Variants in FAXDC2 observed in about 807,000 individuals in gnomAD.
FAXDC2 encodes fatty acid hydroxylase domain-containing protein 2.
FAXDC2 carries 41 observed loss-of-function variants against 40.9 expected under a neutral mutation model. That is an observed-to-expected ratio of 1.00 (90% CI 0.78 to 1.30). The LOEUF is 1.30. Ranked by LOEUF, FAXDC2 falls within the 50% of genes most tolerant of loss-of-function variation. The pLI is 0.00. For missense variants in FAXDC2, 390 were observed against 408.8 expected (o/e 0.95, Z 0.40); for synonymous variants, 157 against 149.3 (o/e 1.05, Z -0.38).
intron 5 of FAXDC2, among the ~76,000 whole-genome samples, chr5:154,828,730 G>A (rs1454118445): frequency 3.3e-5 from 5 of 151,004 alleles, no homozygotes; most frequent in Non-Finnish European, 7.4e-5. Context: ...CTGACTAGCT[G>A]AGACTACAGA....
intron 5 of FAXDC2, chr5:154,824,230 T>C (rs1561652219): frequency 2.0e-6 from 1 of 510,944 alleles, no homozygotes; most frequent in Non-Finnish European, 3.5e-6. Context: ...CAAAGTCCAT[T>C]TGGCCTCAAT....
At chr5:154,820,676 C>G (rs1460939626) in intron 8 of FAXDC2, 1 of 473,808 alleles carries the variant, frequency 2.1e-6, no homozygotes. Context: ...TTTGCCGTAT[C>G]TGGAGTCCTC....
At chr5:154,834,124 G>T (rs1368669650) in intron 4 of FAXDC2, among the ~76,000 whole-genome samples, 1 of 150,710 alleles carries the variant, frequency 6.6e-6, no homozygotes, top group Non-Finnish European at 1.5e-5. Context: ...GTATGATCGA[G>T]GACATTCACT....
intron 5 of FAXDC2, chr5:154,824,334 A>T: frequency 1.6e-6 from 1 of 621,226 alleles, no homozygotes; most frequent in East Asian, 2.7e-5. Flanking sequence ...GTGACCATAG[A>T]TTACTTCCTG....
chr5:154,834,826 G>A lies in FAXDC2; in HGVS notation c.140+17C>T. The A allele has an allele frequency of 1.9e-6, 3 of 1,605,466 alleles. No homozygotes were observed. The highest frequency in any genetic ancestry group is 2.6e-6 in the Non-Finnish European group (3 of 1,173,490). ...ACCACCACCACACTGCACCCTAGCTGGGTGGAGCCGACTTACCATGTCACT... is the reference window on the plus strand; with the variant it reads ...ACCACCACCACACTGCACCCTAGCTAGGTGGAGCCGACTTACCATGTCACT... On this transcript the variant is annotated intron_variant, in intron 3 of 8. Coordinates refer to ENST00000326080, the MANE Select transcript of FAXDC2 (RefSeq NM_032385.5).
chr5:154,844,867 C>T (rs1275009387), intron 1 of FAXDC2, among the ~76,000 whole-genome samples: 1 of 152,132 alleles, frequency 6.6e-6, no homozygotes, highest in Non-Finnish European at 1.5e-5. Flanking sequence ...GTTATGGAAA[C>T]TGCGTATTGC....
chr5:154,841,044 C>T (rs561402277), intron 1 of FAXDC2, among the ~76,000 whole-genome samples: 2 of 152,240 alleles, frequency 1.3e-5, no homozygotes, highest in East Asian at 3.9e-4. Flanking sequence ...GGAGAAATAC[C>T]GAGGCATCTG....
intron 1 of FAXDC2, among the ~76,000 whole-genome samples, chr5:154,846,996 C>G (rs1760615378): frequency 6.6e-6 from 1 of 151,760 alleles, no homozygotes. Context: ...TAGCATCTTG[C>G]TCTGTTGCCG....
chr5:154,843,274 C>T (rs928780400), intron 1 of FAXDC2, among the ~76,000 whole-genome samples: 8 of 152,224 alleles, frequency 5.3e-5, no homozygotes, highest in African/African-American at 1.9e-4. Flanking sequence ...AGTCTCCTAG[C>T]CTTTTCCCTG....
At chr5:154,821,647 T>A (rs189995254) in intron 7 of FAXDC2, among the ~76,000 whole-genome samples, 1 of 152,082 alleles carries the variant, frequency 6.6e-6, no homozygotes, top group Non-Finnish European at 1.5e-5. Context: ...AAATTAAGAT[T>A]AAAAAGGTTG....
At chr5:154,823,618 A>G (rs373474548) in intron 5 of FAXDC2, 26 bp from the exon 6 acceptor site, 11 of 1,595,904 alleles carry the variant, frequency 6.9e-6, no homozygotes, top group Non-Finnish European at 9.4e-6. Flanking sequence ...GAGGAGGGAG[A>G]TGGATAAGAG....
At chr5:154,834,503 TCAAG>T in intron 4 of FAXDC2, 118 bp downstream of exon 4, 2 of 719,466 alleles carry the variant, frequency 2.8e-6, no homozygotes, top group African/African-American at 1.8e-5. Context: ...TTTTTGAAGT[TCAAG>T]TCCTCATCCC....
At position 154,848,645 on chromosome 5, in the gene FAXDC2, A is replaced by G. The variant is rs907750071; in HGVS notation, c.-1+1838T>C. Among the ~76,000 whole-genome samples, 6 of 152,134 alleles carry G rather than the reference A, an allele frequency of 3.9e-5. No homozygotes were observed. In the South Asian group the frequency reaches 1.2e-3, roughly 31 times the overall value. On this transcript the variant is annotated intron_variant, in intron 1 of 8. Coordinates refer to ENST00000326080, the MANE Select transcript of FAXDC2 (RefSeq NM_032385.5). ...CTGTACTAATCTGAGGCTTATATAG[A>G]AGATAGAGTGGCCGATATTCATTTA...
At chr5:154,840,101 A>T (rs1760443550) in intron 1 of FAXDC2, among the ~76,000 whole-genome samples, 1 of 152,226 alleles carries the variant, frequency 6.6e-6, no homozygotes, top group South Asian at 2.1e-4. Flanking sequence ...CTTAGGACCC[A>T]GGTTCCAGAC....
chr5:154,832,958 T>G (rs1182053488), intron 4 of FAXDC2, among the ~76,000 whole-genome samples: 2 of 152,240 alleles, frequency 1.3e-5, no homozygotes. Context: ...TTTTGCTTTA[T>G]AGCAACTGAC....
At chr5:154,825,675 AT>A (rs1195619112) in intron 5 of FAXDC2, among the ~76,000 whole-genome samples, 7 of 149,760 alleles carry the variant, frequency 4.7e-5, no homozygotes, top group African/African-American at 1.7e-4. Context: ...AAAAGCAGTA[AT>A]ATAGACAAGA....
rs1009902154 is a variant in FAXDC2 at position 154,850,538 on chromosome 5, T to A, written c.-56A>T. ...GGTCCTTGCACAGGTCAAATCTAAG[T>A]TCTCTTCCCTTTCAGCCCCCGCTTT... On this transcript the variant is annotated 5_prime_UTR_variant, in exon 1 of 9. Coordinates refer to ENST00000326080, the MANE Select transcript of FAXDC2 (RefSeq NM_032385.5). 1 of 152,218 alleles carries A rather than the reference T, an allele frequency of 6.6e-6. No homozygotes were observed. The highest frequency in any genetic ancestry group is 1.5e-5 in the Non-Finnish European group (1 of 68,096). The allele number at this position is 152,218 out of a possible 1,614,324, so 9.4% of individuals were successfully genotyped here. A position where few individuals can be genotyped will look rare whatever the true frequency, so the allele number is the denominator to read the frequency against.
chr5:154,845,993 G>A (rs1025303285), intron 1 of FAXDC2, among the ~76,000 whole-genome samples: 2 of 150,908 alleles, frequency 1.3e-5, no homozygotes, highest in East Asian at 1.9e-4. Flanking sequence ...TAGTAGAGAC[G>A]GGGTTTCACC....
chr5:154,847,487 C>CTTTTTT (rs557543082), intron 1 of FAXDC2, among the ~76,000 whole-genome samples: 10 of 132,314 alleles, frequency 7.6e-5, no homozygotes, highest in East Asian at 2.1e-4. Flanking sequence ...TTCTTTCTTT[C>CTTTTTT]TTTTTTTTTT....
Sources: gnomAD v4.1 joint callset for allele counts (sites outside exome capture counted in the v4.1 genomes callset) on GRCh38, gnomAD v4.1.1 for gene constraint, MANE v1.5 for transcripts, NCBI Gene and HGNC (gene_info 2026-07-23, HGNC 2026-07-21) for gene names.